Variants in SYT2 observed in about 807,000 individuals in gnomAD.
The protein encoded by SYT2 is synaptotagmin 2, also known as synaptotagmin-2.
Under a neutral mutation model 39.9 loss-of-function variants are expected in SYT2, and 15 were observed. The observed-to-expected ratio is 0.38, with a 90% confidence interval of 0.25 to 0.58. The LOEUF (loss-of-function observed/expected upper bound fraction) is 0.58. SYT2 is among the 20% of genes least tolerant of loss of function. The pLI is 0.70. For missense variants in SYT2, 389 were observed against 530.3 expected (o/e 0.73, Z 2.62); for synonymous variants, 181 against 204.5 (o/e 0.89, Z 0.98).
intron 1 of SYT2, among the ~76,000 whole-genome samples, chr1:202,682,270 G>A (rs1280886256): frequency 6.6e-6 from 1 of 152,222 alleles, no homozygotes; most frequent in Admixed American, 6.5e-5. Flanking sequence ...ATGATGGGTT[G>A]GCTTGTGCAT....
chr1:202,639,459 A>T (rs1363650456), intron 1 of SYT2: 1 of 980,306 alleles, frequency 1.0e-6, no homozygotes, highest in Non-Finnish European at 1.2e-6. Context: ...TTTCCCCATA[A>T]TCAAAACAGA....
chr1:202,607,058 C>T (rs1690729854), intron 1 of SYT2, among the ~76,000 whole-genome samples: 1 of 152,142 alleles, frequency 6.6e-6, no homozygotes, highest in Non-Finnish European at 1.5e-5. Flanking sequence ...TAGTAAAACA[C>T]TGAGCATAAA....
Position 202,654,925 on chromosome 1 carries a change from A to G in SYT2, c.-17-49136T>C, listed in dbSNP as rs1692253398. Among the ~76,000 whole-genome samples, 4 of 152,178 alleles carry G rather than the reference A, an allele frequency of 2.6e-5. No individual in the cohort carries two copies. In the South Asian group the frequency reaches 8.3e-4, roughly 32 times the overall value. On this transcript the variant is annotated intron_variant, in intron 1 of 8. Coordinates refer to ENST00000367268, the MANE Select transcript of SYT2 (RefSeq NM_177402.5). ...GCTGAAGAGAGGTAGAATGTTCAAG[A>G]AAGAAGAGAAAAAAGTGACTGACTT...
intron 1 of SYT2, chr1:202,643,194 G>A (rs1249345714): frequency 6.6e-6 from 1 of 150,722 alleles, no homozygotes; most frequent in Non-Finnish European, 1.5e-5. Context: ...AGGCCCTAGA[G>A]GTGGCCACTG....
chr1:202,694,971 T>C (rs757232498), intron 1 of SYT2, among the ~76,000 whole-genome samples: 1 of 152,188 alleles, frequency 6.6e-6, no homozygotes, highest in Non-Finnish European at 1.5e-5. Context: ...CCCAGACCAG[T>C]CTTCTCTGCG....
chr1:202,637,016 T>G (rs1165274988), intron 1 of SYT2, among the ~76,000 whole-genome samples: 1 of 152,094 alleles, frequency 6.6e-6, no homozygotes, highest in East Asian at 1.9e-4. Flanking sequence ...ATATCCCAAG[T>G]CTCACTAAAA....
chr1:202,600,623 T>A, intron 6 of SYT2, 149 bp from the exon 7 acceptor site: 1 of 667,444 alleles, frequency 1.5e-6, no homozygotes. Flanking sequence ...GCCGAGAAGG[T>A]CTTCCAGCAT....
chr1:202,647,564 C>T (rs1015458923), intron 1 of SYT2, among the ~76,000 whole-genome samples: 1 of 152,144 alleles, frequency 6.6e-6, no homozygotes, highest in Admixed American at 6.5e-5. Flanking sequence ...AAACCTCACC[C>T]CTGCCCCCAG....
intron 1 of SYT2, among the ~76,000 whole-genome samples, chr1:202,627,760 G>C (rs748677556): frequency 6.6e-6 from 1 of 152,072 alleles, no homozygotes; most frequent in Non-Finnish European, 1.5e-5. Flanking sequence ...CTTCACTTTC[G>C]TTTCCTCCAA....
At chr1:202,604,366 G>A in intron 3 of SYT2, 89 bp downstream of exon 3, 1 of 1,384,800 alleles carries the variant, frequency 7.2e-7, no homozygotes, top group East Asian at 2.3e-5. Context: ...TTTGGCTGTG[G>A]AAGCCCAGGA....
At chr1:202,671,846 C>T (rs768517725) in intron 1 of SYT2, among the ~76,000 whole-genome samples, 10 of 152,060 alleles carry the variant, frequency 6.6e-5, no homozygotes, top group Admixed American at 1.3e-4. Context: ...AGGCACACTG[C>T]AGAAGCTAAA....
At chr1:202,700,327 A>G (rs1165635314) in intron 1 of SYT2, among the ~76,000 whole-genome samples, 1 of 152,162 alleles carries the variant, frequency 6.6e-6, no homozygotes, top group East Asian at 1.9e-4. Flanking sequence ...GCCCTGTGAC[A>G]CGAAGCCCCG....
rs535192281 is a variant in SYT2, at chr1:202,697,483, C to T, written c.-18+12775G>A. Among the ~76,000 whole-genome samples, 19 of 152,394 alleles carry T rather than the reference C, an allele frequency of 1.2e-4. No homozygotes were observed. In the East Asian group the frequency reaches 3.3e-3, roughly 26 times the overall value. ...TGTAAAGTTGTGAGTCTTCCCTACT[C>T]TGAGCCGAATGTCCTGACTTGCTGC... On this transcript the variant is annotated intron_variant, in intron 1 of 8. Transcript: ENST00000367268.
In SYT2 at chr1:202,653,430, G is replaced by A. The variant is rs188333366; in HGVS notation, c.-17-47641C>T. 2.0e-4 allele frequency among the ~76,000 whole-genome samples: 30 copies of A among 152,234 alleles called. No homozygotes were observed. In the East Asian group the frequency reaches 3.9e-3, roughly 20 times the overall value. Reference sequence around the variant, plus strand: ...GTACTGTTCTCCAGTCACTTTGCTTGTACTACCACAGGGGACTGGTCCCAT... The same window carrying A: ...GTACTGTTCTCCAGTCACTTTGCTTATACTACCACAGGGGACTGGTCCCAT... On this transcript the variant is annotated intron_variant, in intron 1 of 8. Transcript: ENST00000367268.
intron 1 of SYT2, among the ~76,000 whole-genome samples, chr1:202,705,334 T>TC (rs1402733220): frequency 1.3e-5 from 2 of 152,234 alleles, no homozygotes; most frequent in African/African-American, 4.8e-5. Flanking sequence ...AGCCGCTCTA[T>TC]CCCCGAGCAG....
chr1:202,598,405 T>C (rs756030499), intron 8 of SYT2, among the ~76,000 whole-genome samples: 1 of 152,182 alleles, frequency 6.6e-6, no homozygotes, highest in Non-Finnish European at 1.5e-5. Flanking sequence ...GGATTAACAT[T>C]ATCACTGAGC....
At chr1:202,690,489 G>A (rs1282429611) in intron 1 of SYT2, among the ~76,000 whole-genome samples, 1 of 152,112 alleles carries the variant, frequency 6.6e-6, no homozygotes, top group Non-Finnish European at 1.5e-5. Context: ...CAGATACATG[G>A]ATTCTCAGAG....
At chr1:202,648,309 T>C (rs1010085524) in intron 1 of SYT2, among the ~76,000 whole-genome samples, 4 of 152,066 alleles carry the variant, frequency 2.6e-5, no homozygotes, top group Non-Finnish European at 5.9e-5. Context: ...GCCTCCCAAG[T>C]AGTTGGGACT....
At chr1:202,708,758 G>A (rs1299625971) in intron 1 of SYT2, among the ~76,000 whole-genome samples, 1 of 152,184 alleles carries the variant, frequency 6.6e-6, no homozygotes, top group Non-Finnish European at 1.5e-5. Context: ...CACTGCATCA[G>A]AGCCACCCTG....
Sources: allele counts gnomAD v4.1 joint callset (sites outside exome capture counted in the v4.1 genomes callset), GRCh38; gene constraint gnomAD v4.1.1; transcripts MANE v1.5; gene names NCBI Gene and HGNC (gene_info 2026-07-23, HGNC 2026-07-21).